The following GAB1 variants were observed in gnomAD, a reference collection of about 807,000 sequenced individuals.
GAB1 encodes the protein GRB2 associated binding protein 1.
A neutral mutation model predicts 66.5 loss-of-function variants in GAB1; 19 were observed. The observed-to-expected ratio is 0.29, with a 90% CI of 0.20 to 0.42. The LOEUF (loss-of-function observed/expected upper bound fraction) is 0.42, where lower values mean the gene tolerates loss of function less well. GAB1 is among the 10% of genes least tolerant of loss of function. The pLI, the probability that GAB1 is intolerant of heterozygous loss-of-function variation, is 1.00. For synonymous variants in GAB1, 294 were observed against 301.4 expected (o/e 0.98, Z 0.25); for missense variants, 732 against 858.5 (o/e 0.85, Z 1.84).
At chr4:143,344,690 G>A (rs1315363123) in intron 1 of GAB1, among the ~76,000 whole-genome samples, 2 of 152,144 alleles carry the variant, frequency 1.3e-5, no homozygotes, top group African/African-American at 2.4e-5. Flanking sequence ...TAGAATTGCT[G>A]AGAAAAGTCA....
chr4:143,398,584 T>G (rs1731580812), intron 1 of GAB1, among the ~76,000 whole-genome samples: 2 of 152,156 alleles, frequency 1.3e-5, no homozygotes, highest in Admixed American at 1.3e-4. Flanking sequence ...TTTCTGATGT[T>G]TTTTTCAGTG....
At chr4:143,420,573 A>C (rs1343386629) in intron 2 of GAB1, among the ~76,000 whole-genome samples, 1 of 152,042 alleles carries the variant, frequency 6.6e-6, no homozygotes, top group Non-Finnish European at 1.5e-5. Flanking sequence ...GTAGAAACTA[A>C]TTTTGTTTTT....
At chr4:143,456,251 A>G (rs1185570760) in intron 6 of GAB1, among the ~76,000 whole-genome samples, 1 of 152,102 alleles carries the variant, frequency 6.6e-6, no homozygotes, top group African/African-American at 2.4e-5. Context: ...AGGTCAGGAG[A>G]TCGAGACCAT....
chr4:143,417,841 C>A (rs745985858), intron 2 of GAB1, among the ~76,000 whole-genome samples: 1 of 152,238 alleles, frequency 6.6e-6, no homozygotes, highest in Non-Finnish European at 1.5e-5. Context: ...TAAAGGTGAA[C>A]TGTGGTCTTT....
chr4:143,449,841 A>G (rs1734812354), intron 6 of GAB1, among the ~76,000 whole-genome samples: 1 of 150,596 alleles, frequency 6.6e-6, no homozygotes, highest in Non-Finnish European at 1.5e-5. Flanking sequence ...TTATGATGTT[A>G]GCTGGTTATT....
intron 5 of GAB1, 79 bp downstream of exon 5, chr4:143,439,966 A>G: frequency 7.3e-7 from 1 of 1,378,990 alleles, no homozygotes; most frequent in Non-Finnish European, 1.0e-6. Flanking sequence ...AGACTAAGTG[A>G]TATCATGAAA....
rs764082083 is a variant in GAB1 at position 143,460,360 on chromosome 4, T to A, written c.1680-4T>A. 1.9e-6 allele frequency: 3 copies of A among 1,613,500 alleles called. No homozygotes were observed. On this transcript the variant is annotated splice_region_variant and splice_polypyrimidine_tract_variant and intron_variant, in intron 7 of 9. Transcript: ENST00000262994. ...ATGTTTGTGATGATAATTTCTGTAA[T>A]TAGCTCTTCCAGGTTTCCCATGTCC...
rs985387126 is a variant in GAB1 at position 143,349,775 on chromosome 4, C to G, written c.72+12515C>G. Reference sequence around the variant, plus strand: ...TGGCCATTGTAGTCCCCGATAGCAACGAATGCCTTGAACCTCGTGCGCTGG... The same window carrying G: ...TGGCCATTGTAGTCCCCGATAGCAAGGAATGCCTTGAACCTCGTGCGCTGG... On this transcript the variant is annotated intron_variant, in intron 1 of 9. Transcript: ENST00000262994. 16 of 1,591,504 alleles carry G rather than the reference C, an allele frequency of 1.0e-5. No homozygotes were observed. The African/African-American group carries it at 2.0e-4, about 20-fold the overall frequency.
At chr4:143,362,550 C>G (rs936711779) in intron 1 of GAB1, among the ~76,000 whole-genome samples, 1 of 152,150 alleles carries the variant, frequency 6.6e-6, no homozygotes, top group Non-Finnish European at 1.5e-5. Flanking sequence ...CCAGAACTGA[C>G]AGTTTCTCCC....
Position 143,361,081 on chromosome 4 carries a change from G to GTTAAT in GAB1, c.72+23825_72+23826insTTTAA, listed in dbSNP as rs559417259. On this transcript the variant is annotated intron_variant, in intron 1 of 9. Transcript: ENST00000262994. ...TGGCATCACTGTTTCTGTTGGCATA[G>GTTAAT]TTAAGCAGGGGGTTAAAAATTCAAG... Among the ~76,000 whole-genome samples, 20 of 152,050 alleles carry GTTAAT rather than the reference G, an allele frequency of 1.3e-4. No homozygotes were observed. In the South Asian group the frequency reaches 4.2e-3, roughly 32 times the overall value.
intron 1 of GAB1, among the ~76,000 whole-genome samples, chr4:143,390,091 C>G (rs1731110619): frequency 6.6e-6 from 1 of 152,052 alleles, no homozygotes; most frequent in Non-Finnish European, 1.5e-5. Flanking sequence ...ATTAATAATC[C>G]AGTATTTCAT....
chr4:143,460,285 G>C, intron 7 of GAB1, 79 bp from the exon 8 acceptor site: 2 of 1,325,262 alleles, frequency 1.5e-6, no homozygotes, highest in Non-Finnish European at 2.2e-6. Flanking sequence ...AATGCAGACT[G>C]TCTCTCATTT....
At chr4:143,373,761 A>G (rs1159366868) in intron 1 of GAB1, among the ~76,000 whole-genome samples, 2 of 150,942 alleles carry the variant, frequency 1.3e-5, no homozygotes, top group Non-Finnish European at 3.0e-5. Flanking sequence ...CCAGGAAGGC[A>G]GAGGTTGCAG....
chr4:143,425,505 C>G, intron 2 of GAB1: 2 of 762,034 alleles, frequency 2.6e-6, no homozygotes, highest in Non-Finnish European at 4.8e-6. Context: ...AGATTCTCCT[C>G]TGTGCCATGT....
At chr4:143,394,745 G>A (rs992030887) in intron 1 of GAB1, 3 of 151,962 alleles carry the variant, frequency 2.0e-5, no homozygotes, top group Admixed American at 6.6e-5. Context: ...AAATGTAGAC[G>A]ATGGTTAAAA....
At chr4:143,360,538 A>G (rs1560718123) in intron 1 of GAB1, among the ~76,000 whole-genome samples, 1 of 152,348 alleles carries the variant, frequency 6.6e-6, no homozygotes, top group South Asian at 2.1e-4. Context: ...TGGACACTAC[A>G]AAAATAGAAG....
At chr4:143,466,344 C>A in intron 9 of GAB1, 119 bp downstream of exon 9, 1 of 940,960 alleles carries the variant, frequency 1.1e-6, no homozygotes, top group Non-Finnish European at 1.5e-6. Flanking sequence ...TTAGTCTGGT[C>A]TGCTACTTGA....
At chr4:143,434,842 G>C (rs1247909249) in intron 3 of GAB1, among the ~76,000 whole-genome samples, 1 of 152,060 alleles carries the variant, frequency 6.6e-6, no homozygotes, top group Admixed American at 6.6e-5. Context: ...TGAATAGTTA[G>C]AAGAGTTAAG....
At chr4:143,443,437 A>T (rs1407074749) in intron 6 of GAB1, among the ~76,000 whole-genome samples, 1 of 152,222 alleles carries the variant, frequency 6.6e-6, no homozygotes, top group Non-Finnish European at 1.5e-5. Flanking sequence ...AACTCACTTT[A>T]CAAAGTTATA....
Sources: gnomAD v4.1 joint callset for allele counts (sites outside exome capture counted in the v4.1 genomes callset) on GRCh38, gnomAD v4.1.1 for gene constraint, MANE v1.5 for transcripts, NCBI Gene and HGNC (gene_info 2026-07-23, HGNC 2026-07-21) for gene names.